The following AMBRA1 variants were observed in gnomAD, a reference collection of about 807,000 sequenced individuals.
AMBRA1 encodes activating molecule in BECN1-regulated autophagy protein 1.
Under a neutral mutation model 125.4 loss-of-function variants are expected in AMBRA1, and 47 were observed. The observed-to-expected ratio is 0.37, with a 90% CI of 0.30 to 0.48. The LOEUF (loss-of-function observed/expected upper bound fraction) is 0.48, where lower values mean the gene tolerates loss of function less well. Among genes scored for constraint, AMBRA1 ranks in the 20% least tolerant of loss-of-function variants. AMBRA1 has a pLI of 0.99. For synonymous variants in AMBRA1, 626 were observed against 655.5 expected (o/e 0.95, Z 0.69); for missense variants, 1,331 against 1,693.4 (o/e 0.79, Z 3.76).
At chr11:46,533,132 C>T (rs1952294122) in intron 7 of AMBRA1, among the ~76,000 whole-genome samples, 1 of 151,120 alleles carries the variant, frequency 6.6e-6, no homozygotes, top group East Asian at 1.9e-4. Context: ...CACTGCACTC[C>T]AGCCTGGGCT....
At chr11:46,493,486 CA>C in intron 11 of AMBRA1, 121 bp downstream of exon 11, 1 of 788,842 alleles carries the variant, frequency 1.3e-6, no homozygotes, top group South Asian at 1.9e-5. Flanking sequence ...ACCAGGACCC[CA>C]AAATAGAATT....
intron 1 of AMBRA1, among the ~76,000 whole-genome samples, chr11:46,552,911 A>C (rs951500036): frequency 2.4e-4 from 36 of 152,058 alleles, no homozygotes; most frequent in African/African-American, 8.7e-4. Flanking sequence ...TTTAATTTTA[A>C]AAATTATTAT....
intron 7 of AMBRA1, among the ~76,000 whole-genome samples, chr11:46,533,981 G>A (rs935591307): frequency 5.3e-5 from 8 of 151,216 alleles, no homozygotes; most frequent in Non-Finnish European, 7.4e-5. Flanking sequence ...TAGTGTCGAC[G>A]GGGTTTGTTT....
At chr11:46,498,975 A>G (rs1282613514) in intron 9 of AMBRA1, among the ~76,000 whole-genome samples, 1 of 152,122 alleles carries the variant, frequency 6.6e-6, no homozygotes, top group Non-Finnish European at 1.5e-5. Flanking sequence ...CTGGTTAGAA[A>G]CTGAGGCCCC....
At chr11:46,510,570 A>G (rs1273728229) in intron 8 of AMBRA1, among the ~76,000 whole-genome samples, 4 of 152,226 alleles carry the variant, frequency 2.6e-5, no homozygotes, top group Non-Finnish European at 4.4e-5. Flanking sequence ...AAAAAACATA[A>G]TATTATTGGT....
At chr11:46,471,368 G>A (rs549424291) in intron 11 of AMBRA1, among the ~76,000 whole-genome samples, 1 of 152,108 alleles carries the variant, frequency 6.6e-6, no homozygotes, top group Non-Finnish European at 1.5e-5. Context: ...CACAAGGTCA[G>A]GAGATCGAGA....
intron 1 of AMBRA1, among the ~76,000 whole-genome samples, chr11:46,588,216 C>T (rs930828136): frequency 6.6e-6 from 1 of 151,990 alleles, no homozygotes; most frequent in African/African-American, 2.4e-5. Flanking sequence ...TCTGTAATCC[C>T]AGCTACTCAG....
intron 14 of AMBRA1, among the ~76,000 whole-genome samples, chr11:46,425,998 T>A (rs1246149052): frequency 7.0e-6 from 1 of 142,284 alleles, no homozygotes; most frequent in East Asian, 2.1e-4. Flanking sequence ...TACAAAAAAA[T>A]TAGCTGGGCG....
At chr11:46,405,915 T>C (rs1565122413) in intron 17 of AMBRA1, among the ~76,000 whole-genome samples, 2 of 151,710 alleles carry the variant, frequency 1.3e-5, no homozygotes, top group African/African-American at 2.4e-5. Context: ...GTATATTTAG[T>C]AGAGACAAGG....
chr11:46,465,805 G>A (rs546843928), intron 11 of AMBRA1, among the ~76,000 whole-genome samples: 1 of 152,316 alleles, frequency 6.6e-6, no homozygotes, highest in South Asian at 2.1e-4. Context: ...CTTCTGAAAT[G>A]TATACATACA....
intron 11 of AMBRA1, among the ~76,000 whole-genome samples, chr11:46,488,099 C>A (rs546857784): frequency 4.4e-4 from 67 of 152,310 alleles, no homozygotes; most frequent in African/African-American, 1.6e-3. Context: ...TCATCAGGAA[C>A]ACATATCAGT....
At chr11:46,406,047 A>G (rs1289238956) in intron 17 of AMBRA1, among the ~76,000 whole-genome samples, 1 of 148,694 alleles carries the variant, frequency 6.7e-6, no homozygotes, top group Non-Finnish European at 1.5e-5. Flanking sequence ...TTCTGTCTTT[A>G]TTTATTTATT....
chr11:46,490,987 T>C (rs946227934), intron 11 of AMBRA1: 3 of 152,214 alleles, frequency 2.0e-5, no homozygotes, highest in Non-Finnish European at 4.4e-5. Flanking sequence ...GCTATTATTA[T>C]AGCAGCTCAA....
Position 46,565,563 on chromosome 11 carries a change from CG to C in AMBRA1, c.-120-17064del, listed in dbSNP as rs886854027. Among the ~76,000 whole-genome samples the C allele has an allele frequency of 8.6e-5, 13 of 151,914 alleles. No individual in the cohort carries two copies. The South Asian group carries it at 1.7e-3, about 19-fold the overall frequency. The stretch of plus-strand genomic sequence containing the variant: ...CTCTACATAAACCAAAAAAATTAGC[CG>C]GGTGTGGTGGCATGTACCTGCGGTC... On this transcript the variant is annotated intron_variant, in intron 1 of 17. Coordinates refer to ENST00000683756, the MANE Select transcript of AMBRA1 (RefSeq NM_001387011.1).
chr11:46,582,291 C>A (rs924942648), intron 1 of AMBRA1, among the ~76,000 whole-genome samples: 3 of 152,072 alleles, frequency 2.0e-5, no homozygotes, highest in African/African-American at 7.2e-5. Context: ...ACATGCTATT[C>A]CCTTCCCTTT....
Position 46,454,579 on chromosome 11 carries a change from CAA to C in AMBRA1, c.2522-10983_2522-10982del, listed in dbSNP as rs777518872. On this transcript the variant is annotated intron_variant, in intron 11 of 17. Transcript: ENST00000683756. The stretch of plus-strand genomic sequence containing the variant: ...TGAAACCCCATCTCCACTAAAAATA[CAA>C]AAAAAAAAAAAAAAAAAAAATTCTC... Among the ~76,000 whole-genome samples the C allele has an allele frequency of 4.7e-3, 235 of 50,482 alleles. 3 individuals are homozygous for C. The highest frequency in any genetic ancestry group is 7.7e-3 in the Non-Finnish European group (141 of 18,372). The allele number at this position is 50,482 out of a possible 152,430, so 33.1% of individuals were successfully genotyped here. A position where few individuals can be genotyped will look rare whatever the true frequency, so the allele number is the denominator to read the frequency against.
chr11:46,586,411 T>C (rs1250490574), intron 1 of AMBRA1, among the ~76,000 whole-genome samples: 1 of 152,090 alleles, frequency 6.6e-6, no homozygotes, highest in Admixed American at 6.5e-5. Context: ...AATAAAAAAA[T>C]AATTTTTTAA....
intron 1 of AMBRA1, among the ~76,000 whole-genome samples, chr11:46,552,030 A>G (rs2043017130): frequency 1.3e-5 from 2 of 150,816 alleles, no homozygotes; most frequent in African/African-American, 4.9e-5. Context: ...TCCATCTCCA[A>G]AAAAAAATTA....
intron 12 of AMBRA1, among the ~76,000 whole-genome samples, chr11:46,436,535 T>C (rs1004199998): frequency 2.8e-4 from 42 of 152,232 alleles, no homozygotes; most frequent in African/African-American, 9.6e-4. Context: ...TTTCTACTGC[T>C]CAACTCCCAA....
Sources: allele counts gnomAD v4.1 joint callset (sites outside exome capture counted in the v4.1 genomes callset), GRCh38; gene constraint gnomAD v4.1.1; transcripts MANE v1.5; gene names NCBI Gene and HGNC (gene_info 2026-07-23, HGNC 2026-07-21).